The following GORASP2 variants were observed in gnomAD, a reference collection of about 807,000 sequenced individuals.
GORASP2 encodes Golgi reassembly-stacking protein 2.
Under a neutral mutation model 45.7 loss-of-function variants are expected in GORASP2, and 22 were observed. The ratio of observed to expected loss-of-function variants is 0.48; its 90% CI spans 0.34 to 0.69. The LOEUF (loss-of-function observed/expected upper bound fraction) is 0.69. Ranked by LOEUF, GORASP2 falls within the 30% of genes least tolerant of loss-of-function variation. GORASP2 has a pLI of 0.01. For missense variants in GORASP2, 491 were observed against 562.7 expected (o/e 0.87, Z 1.29); for synonymous variants, 221 against 215.6 (o/e 1.02, Z -0.22).
chr2:170,947,945 A>T (rs1350138605), intron 1 of GORASP2, among the ~76,000 whole-genome samples: 2 of 152,072 alleles, frequency 1.3e-5, no homozygotes, highest in African/African-American at 4.8e-5. Context: ...ATAAGGCGAA[A>T]CCCTGTCTCT....
intron 1 of GORASP2, among the ~76,000 whole-genome samples, chr2:170,945,815 A>G (rs997959084): frequency 6.6e-6 from 1 of 152,200 alleles, no homozygotes; most frequent in African/African-American, 2.4e-5. Context: ...TATTTTAGGA[A>G]CAATCTGTGT....
chr2:170,951,979 A>T (rs147264534), intron 5 of GORASP2, among the ~76,000 whole-genome samples: 123 of 152,384 alleles, frequency 8.1e-4, no homozygotes, highest in African/African-American at 2.8e-3. Flanking sequence ...ATACTTGATC[A>T]AATTATCATT....
At chr2:170,934,375 T>C (rs1703897139) in intron 1 of GORASP2, among the ~76,000 whole-genome samples, 2 of 151,610 alleles carry the variant, frequency 1.3e-5, no homozygotes, top group Non-Finnish European at 2.9e-5. Flanking sequence ...TTCTCCTGCC[T>C]CAGCCTCCCA....
intron 1 of GORASP2, among the ~76,000 whole-genome samples, chr2:170,930,488 C>G (rs2105307388): frequency 6.6e-6 from 1 of 152,288 alleles, no homozygotes; most frequent in South Asian, 2.1e-4. Context: ...CATTTCCTGC[C>G]CTGGGTCCCA....
intron 1 of GORASP2, among the ~76,000 whole-genome samples, chr2:170,935,222 C>T (rs949883270): frequency 2.6e-5 from 4 of 152,042 alleles, no homozygotes; most frequent in African/African-American, 9.7e-5. Context: ...ATTAATAGGC[C>T]TTGAACAAAT....
Position 170,950,250 on chromosome 2 carries a change from A to G in GORASP2, c.395A>G (p.His132Arg). Residue 132 changes from histidine to arginine, a missense_variant, in exon 4 of 10, where the codon CAC (histidine) becomes CGC (arginine). Physicochemically the swap from His to Arg is conservative, Grantham distance 29. Transcript: ENST00000234160. Reference protein sequence around the residue: ...SPAALAGLRPHSDYIIGADTV... With the variant: ...SPAALAGLRPRSDYIIGADTV... ...GCAGCACTGGCAGGTCTTAGACCACACAGTGATTATATAATTGGAGCAGAT... is the reference window on the plus strand; with the variant it reads ...GCAGCACTGGCAGGTCTTAGACCACGCAGTGATTATATAATTGGAGCAGAT... 1 of 1,582,342 alleles carries G rather than the reference A, an allele frequency of 6.3e-7. No homozygotes were observed.
At chr2:170,929,893 G>C (rs1703777841) in intron 1 of GORASP2, 1 of 405,962 alleles carries the variant, frequency 2.5e-6, no homozygotes, top group Middle Eastern at 3.6e-4. Context: ...CCGGCCGAGT[G>C]GCCTGAAAGA....
intron 4 of GORASP2, 51 bp from the exon 5 acceptor site, chr2:170,951,277 T>C (rs1299970772): frequency 1.3e-6 from 2 of 1,481,764 alleles, no homozygotes; most frequent in Non-Finnish European, 1.8e-6. Flanking sequence ...TGAGACACAC[T>C]GTTCCAAAGT....
intron 1 of GORASP2, among the ~76,000 whole-genome samples, chr2:170,941,209 T>C (rs1367257788): frequency 6.6e-6 from 1 of 152,240 alleles, no homozygotes; most frequent in African/African-American, 2.4e-5. Flanking sequence ...TGCCAGTTAA[T>C]GTGTTCATAA....
intron 6 of GORASP2, among the ~76,000 whole-genome samples, chr2:170,955,698 G>A (rs945252061): frequency 1.3e-5 from 2 of 152,228 alleles, no homozygotes; most frequent in African/African-American, 4.8e-5. Flanking sequence ...ATAGTTACAT[G>A]TTCAGACCCC....
intron 1 of GORASP2, among the ~76,000 whole-genome samples, chr2:170,932,812 G>C (rs896887063): frequency 6.6e-6 from 1 of 152,110 alleles, no homozygotes; most frequent in Admixed American, 6.6e-5. Flanking sequence ...CGTATTCAAG[G>C]ACTATATGGC....
rs748114935 is a variant in GORASP2 at position 170,949,602 on chromosome 2, C to T, written c.208C>T (p.Leu70Phe). ...KANVEKPVKM[L>F]IYSSKTLELR... is the part of the protein sequence containing the mutation. ...AAACGTTGAAAAGCCTGTAAAGATG[C>T]TTATCTATAGCAGCAAAACATTGGA... Residue 70 changes from leucine (L) to phenylalanine (F), a missense_variant, in exon 3 of 10, where the codon CTT becomes TTT. Coordinates refer to ENST00000234160, the MANE Select transcript of GORASP2 (RefSeq NM_015530.5). 4.3e-6 allele frequency: 7 copies of T among 1,613,770 alleles called. No homozygotes were observed. The East Asian group carries it at 8.9e-5, about 21-fold the overall frequency.
chr2:170,966,420 G>A lies in GORASP2; in HGVS notation c.*290G>A, dbSNP rs545694931. On this transcript the variant is annotated 3_prime_UTR_variant, in exon 10 of 10. Coordinates refer to ENST00000234160, the MANE Select transcript of GORASP2 (RefSeq NM_015530.5). ...GCCGTTCCTGGGGGTGTGCATCTTC[G>A]GGAAAGGTGGTGGCGGGGCGTCCAC... The A allele has an allele frequency of 3.0e-5, 14 of 472,786 alleles. 1 individual carries two copies. The Admixed American group carries it at 3.4e-4, about 12-fold the overall frequency. 29.3% of individuals were successfully genotyped at this position (472,786 alleles called of 1,614,324 possible).
rs1704431368 is a variant in GORASP2 at position 170,956,530 on chromosome 2, C to T, written c.794C>T (p.Pro265Leu). 3 of 1,613,016 alleles carry T rather than the reference C, an allele frequency of 1.9e-6. No individual in the cohort carries two copies. Among genetic ancestry groups the T allele is most frequent in the South Asian group, 2.2e-5 (2 of 90,978 alleles). Reference protein sequence around the residue: ...SLTGLSISSTPPAVSSVLSTG... With the variant: ...SLTGLSISSTLPAVSSVLSTG... ...ACTGGACTTTCTATTAGCTCAACTCCACCAGCTGTCAGTAGTGTTCTCAGT... is the reference window on the plus strand; with the variant it reads ...ACTGGACTTTCTATTAGCTCAACTCTACCAGCTGTCAGTAGTGTTCTCAGT... Residue 265 changes from proline to leucine, a missense_variant, in exon 7 of 10, where the codon CCA becomes CTA. Around this residue, in one of 2 missense-constraint regions of GORASP2, gnomAD observed 297 missense variants for 292.3 expected, o/e 1.02. Coordinates refer to ENST00000234160, the MANE Select transcript of GORASP2 (RefSeq NM_015530.5).
intron 1 of GORASP2, among the ~76,000 whole-genome samples, chr2:170,936,224 CTTTTTTTT>C (rs3079542): frequency 1.7e-5 from 2 of 119,016 alleles, no homozygotes; most frequent in African/African-American, 6.3e-5. Flanking sequence ...TTGAAACTGA[CTTTTTTTT>C]TTTTTTTTTT....
intron 3 of GORASP2, 31 bp downstream of exon 3, chr2:170,949,773 G>T: frequency 6.9e-7 from 1 of 1,444,660 alleles, no homozygotes; most frequent in South Asian, 1.1e-5. Flanking sequence ...GTTACTGGAG[G>T]TTCATGAAGC....
At chr2:170,961,894 A>C (rs1704570182) in intron 8 of GORASP2, 145 bp downstream of exon 8, 1 of 659,324 alleles carries the variant, frequency 1.5e-6, no homozygotes, top group South Asian at 1.7e-5. Context: ...GTTTGTGATA[A>C]ATGAGAGCTA....
rs1486391491 is a variant in GORASP2 at position 170,945,515 on chromosome 2, AGAAG to A, written c.64-2834_64-2831del. ...GGACCTTGTCTCAAAAAAAAAAAAA[AGAAG>A]AAGAAGAAGAAACTGAACACCTTTA... On this transcript the variant is annotated intron_variant, in intron 1 of 9. Coordinates refer to ENST00000234160, the MANE Select transcript of GORASP2 (RefSeq NM_015530.5). Among the ~76,000 whole-genome samples, 741 of 142,026 alleles carry A rather than the reference AGAAG, an allele frequency of 5.2e-3. 7 individuals carry two copies. Among genetic ancestry groups the A allele is most frequent in the African/African-American group, 0.02 (689 of 35,132 alleles). The allele number at this position is 142,026 out of a possible 152,430, so 93.2% of individuals were successfully genotyped here. A position where few individuals can be genotyped will look rare whatever the true frequency, so the allele number is the denominator to read the frequency against.
At chr2:170,961,253 G>A (rs1704552785) in intron 7 of GORASP2, among the ~76,000 whole-genome samples, 1 of 152,192 alleles carries the variant, frequency 6.6e-6, no homozygotes, top group African/African-American at 2.4e-5. Flanking sequence ...TGTTTCACAG[G>A]GCACATGGTC....
Sources: gnomAD v4.1 joint callset for allele counts (sites outside exome capture counted in the v4.1 genomes callset) on GRCh38, gnomAD v4.1.1 for gene constraint, gnomAD v4.1.1 regional missense constraint, MANE v1.5 for transcripts, NCBI Gene and HGNC (gene_info 2026-07-23, HGNC 2026-07-21) for gene names.